The following ARRDC5 variants were observed in gnomAD, a reference collection of about 807,000 sequenced individuals.
ARRDC5 encodes the protein arrestin domain-containing protein 5.
A neutral mutation model predicts 13.3 loss-of-function variants in ARRDC5; 12 were observed. That is an observed-to-expected ratio of 0.90 (90% CI 0.58 to 1.46). The LOEUF is 1.46. ARRDC5 is among the 40% of genes most tolerant of loss of function. ARRDC5 has a pLI of 0.00. For missense variants in ARRDC5, 406 were observed against 418.7 expected, an observed-to-expected ratio of 0.97 and a Z score of 0.26; for synonymous variants, 181 against 173.4, an observed-to-expected ratio of 1.04 and a Z score of -0.34.
At chr19:4,902,955 A>G (rs2031975363), upstream of ARRDC5, 1 of 1,393,918 alleles carries the variant, frequency 7.2e-7, no homozygotes, top group South Asian at 1.3e-5. Context: ...TGGGGACCCC[A>G]GTGGCCAGGA....
chr19:4,911,065 C>G, the ARRDC5 span: 1 of 1,531,960 alleles, frequency 6.5e-7, no homozygotes, highest in Non-Finnish European at 8.8e-7. Flanking sequence ...CACCTTTGTT[C>G]TATGCCTGGT....
chr19:4,910,623 T>G, the ARRDC5 span: 1 of 381,626 alleles, frequency 2.6e-6, no homozygotes. Flanking sequence ...CCTTCTGCTT[T>G]TCTTTCAATT....
At chr19:4,904,464 C>T (rs536013491), upstream of ARRDC5, among the ~76,000 whole-genome samples, 1 of 152,180 alleles carries the variant, frequency 6.6e-6, no homozygotes, top group Non-Finnish European at 1.5e-5. Flanking sequence ...CAGGCGTGAG[C>T]CACCGCACCC....
the ARRDC5 span, among the ~76,000 whole-genome samples, chr19:4,915,639 GT>G: frequency 6.6e-6 from 1 of 152,004 alleles, no homozygotes; most frequent in Non-Finnish European, 1.5e-5. Context: ...AACCTGGGAG[GT>G]GGGAGGTTGC....
intron 1 of ARRDC5, among the ~76,000 whole-genome samples, chr19:4,897,109 A>T (rs1410825874): frequency 6.6e-6 from 1 of 152,034 alleles, no homozygotes; most frequent in Non-Finnish European, 1.5e-5. Context: ...GGCGTGCACC[A>T]CCACACCTGG....
intron 2 of ARRDC5, among the ~76,000 whole-genome samples, chr19:4,895,463 GA>G (rs1215008714): frequency 6.7e-6 from 1 of 148,268 alleles, no homozygotes; most frequent in Non-Finnish European, 1.5e-5. Context: ...AAAGAAAAAG[GA>G]AAAAAAATGC....
chr19:4,898,807 C>T (rs1322810044), intron 1 of ARRDC5, among the ~76,000 whole-genome samples: 1 of 150,238 alleles, frequency 6.7e-6, no homozygotes, highest in Non-Finnish European at 1.5e-5. Flanking sequence ...TTGTATTTTT[C>T]ATAGAGATGG....
At chr19:4,892,858 C>G (rs1279012202) in intron 2 of ARRDC5, among the ~76,000 whole-genome samples, 4 of 151,524 alleles carry the variant, frequency 2.6e-5, no homozygotes, top group Admixed American at 6.7e-5. Context: ...GCGCTCCCAG[C>G]ATTTCAGGAG....
the ARRDC5 span, among the ~76,000 whole-genome samples, chr19:4,912,777 A>G: frequency 8.3e-4 from 126 of 151,988 alleles, no homozygotes; most frequent in Non-Finnish European, 1.6e-3. Flanking sequence ...TGTTGTTCCT[A>G]TTTGAGACAG....
chr19:4,912,723 G>C, the ARRDC5 span, among the ~76,000 whole-genome samples: 1 of 152,072 alleles, frequency 6.6e-6, no homozygotes, highest in Non-Finnish European at 1.5e-5. Flanking sequence ...AGTACCTAGA[G>C]CTCAGTATTT....
At chr19:4,899,298 T>C (rs1025624011) in intron 1 of ARRDC5, among the ~76,000 whole-genome samples, 63 of 145,914 alleles carry the variant, frequency 4.3e-4, no homozygotes, top group African/African-American at 1.6e-3. Context: ...GGCGACAGAG[T>C]GAGACTCCAT....
chr19:4,911,109 A>G, the ARRDC5 span: 5 of 1,379,428 alleles, frequency 3.6e-6, no homozygotes, highest in East Asian at 1.0e-4. Context: ...ACCAGCCGAT[A>G]CTTTCTCCCT....
upstream of ARRDC5, among the ~76,000 whole-genome samples, chr19:4,907,748 T>C (rs1386494127): frequency 6.7e-6 from 1 of 149,100 alleles, no homozygotes; most frequent in Non-Finnish European, 1.5e-5. Context: ...GTTTTGCTTT[T>C]GTTGCCCAGG....
At chr19:4,892,336 G>C (rs530563247) in intron 2 of ARRDC5, among the ~76,000 whole-genome samples, 38 of 151,818 alleles carry the variant, frequency 2.5e-4, no homozygotes, top group African/African-American at 8.9e-4. Flanking sequence ...TGATCCGCCT[G>C]CCTCGGCCTA....
chr19:4,912,545 C>T, the ARRDC5 span, among the ~76,000 whole-genome samples: 55,906 of 151,930 alleles, frequency 0.37, 10,734 homozygotes, highest in African/African-American at 0.48. Context: ...TGGGAAAACA[C>T]CTAGACACAC....
the ARRDC5 span, chr19:4,909,764 C>T: frequency 8.4e-6 from 4 of 478,184 alleles, no homozygotes; most frequent in African/African-American, 8.3e-5. Flanking sequence ...ATGTCCCGCA[C>T]TCTGTCCCGG....
At chr19:4,916,355 A>T in the ARRDC5 span, among the ~76,000 whole-genome samples, 3 of 151,992 alleles carry the variant, frequency 2.0e-5, no homozygotes, top group Admixed American at 6.6e-5. Context: ...TCAGAGCACA[A>T]GAAGACAAGC....
chr19:4,907,519 C>T (rs1481743678), upstream of ARRDC5, among the ~76,000 whole-genome samples: 2 of 152,104 alleles, frequency 1.3e-5, no homozygotes, highest in African/African-American at 4.8e-5. Context: ...ATCTGCCTGC[C>T]TCGGCCTCCC....
the ARRDC5 span, among the ~76,000 whole-genome samples, chr19:4,908,515 C>T: frequency 7.9e-5 from 12 of 152,218 alleles, no homozygotes; most frequent in East Asian, 2.3e-3. Context: ...CCTTCCTGCT[C>T]CCTGGACACC....
Sources: gnomAD v4.1 joint callset for allele counts (sites outside exome capture counted in the v4.1 genomes callset) on GRCh38, gnomAD v4.1.1 for gene constraint, MANE v1.5 for transcripts, NCBI Gene and HGNC (gene_info 2026-07-23, HGNC 2026-07-21) for gene names.